FUBP3: variants seen among roughly 807,000 people sequenced by gnomAD.
FUBP3 encodes the protein far upstream element-binding protein 3.
In FUBP3, 28 loss-of-function variants were observed where a neutral mutation model predicts 85.6. The ratio of observed to expected loss-of-function variants is 0.33; its 90% CI spans 0.24 to 0.45. The LOEUF (loss-of-function observed/expected upper bound fraction) is 0.45, where lower values mean the gene tolerates loss of function less well. Ranked by LOEUF, FUBP3 falls within the 20% of genes least tolerant of loss-of-function variation. The pLI is 1.00. For missense variants in FUBP3, 583 were observed against 755.1 expected, an observed-to-expected ratio of 0.77 and a Z score of 2.67; for synonymous variants, 271 against 271.4, an observed-to-expected ratio of 1.00 and a Z score of 0.01.
intron 7 of FUBP3, 42 bp from the exon 8 acceptor site, chr9:130,617,755 C>A: frequency 8.4e-7 from 1 of 1,192,688 alleles, no homozygotes; most frequent in Non-Finnish European, 1.3e-6. Context: ...ATTTCATGCC[C>A]TGCATTATTC....
At chr9:130,615,848 G>C (rs994553407) in intron 6 of FUBP3, among the ~76,000 whole-genome samples, 1 of 152,128 alleles carries the variant, frequency 6.6e-6, no homozygotes, top group African/African-American at 2.4e-5. Context: ...TGGTTATGAA[G>C]AAGAAGCGTG....
intron 3 of FUBP3, 24 bp downstream of exon 3, chr9:130,610,011 T>G (rs1300134196): frequency 6.5e-7 from 1 of 1,537,726 alleles, no homozygotes; most frequent in African/African-American, 1.4e-5. Context: ...TACGTTTTAT[T>G]ATTTATTGAT....
At chr9:130,590,464 A>G (rs1474139380) in intron 1 of FUBP3, among the ~76,000 whole-genome samples, 7 of 152,234 alleles carry the variant, frequency 4.6e-5, no homozygotes, top group Non-Finnish European at 8.8e-5. Flanking sequence ...TTAAAATAGC[A>G]TGGGTAGTGA....
At chr9:130,603,257 G>C (rs1588132265) in intron 2 of FUBP3, among the ~76,000 whole-genome samples, 1 of 147,100 alleles carries the variant, frequency 6.8e-6, no homozygotes, top group African/African-American at 2.5e-5. Flanking sequence ...TGAGGTGGGA[G>C]AATGGCCTGA....
In FUBP3 at chr9:130,616,467, A is replaced by G. The variant is rs1832013186; in HGVS notation, c.517A>G (p.Lys173Glu). Residue 173 changes from lysine to glutamate, a missense_variant, in exon 7 of 19, where the codon AAA becomes GAA. Transcript: ENST00000319725. This position sits in a 1 kb window ranked among gnomAD's most constrained non-coding sequence, Gnocchi z 4.7. ...TIQEILIPAS[K>E]VGLVIGRGGE... Reference sequence around the variant, plus strand: ...CCAGGAGATTCTCATTCCCGCATCTAAAGTGGGTCTGGTCATCGGCAGAGG... The same window carrying G: ...CCAGGAGATTCTCATTCCCGCATCTGAAGTGGGTCTGGTCATCGGCAGAGG... 2 of 1,614,100 alleles carry G rather than the reference A, an allele frequency of 1.2e-6. No individual in the cohort carries two copies. The highest frequency in any genetic ancestry group is 1.7e-6 in the Non-Finnish European group (2 of 1,179,948).
chr9:130,602,964 TG>T (rs1564200439), intron 2 of FUBP3, among the ~76,000 whole-genome samples: 1 of 152,088 alleles, frequency 6.6e-6, no homozygotes, highest in East Asian at 1.9e-4. Context: ...GGCGGTCACC[TG>T]GGGTGGAAAA....
intron 1 of FUBP3, among the ~76,000 whole-genome samples, chr9:130,586,677 A>G (rs969631483): frequency 2.0e-5 from 3 of 151,380 alleles, no homozygotes; most frequent in Non-Finnish European, 2.9e-5. Context: ...TCTGCATTTT[A>G]GGAAGGACTT....
intron 5 of FUBP3, among the ~76,000 whole-genome samples, chr9:130,613,759 A>G (rs1831866960): frequency 6.6e-6 from 1 of 152,210 alleles, no homozygotes; most frequent in South Asian, 2.1e-4. Context: ...TTCAGGAACA[A>G]AATGAGGCAT....
intron 12 of FUBP3, among the ~76,000 whole-genome samples, chr9:130,626,882 C>T (rs190671969): frequency 2.6e-5 from 4 of 152,284 alleles, no homozygotes; most frequent in Non-Finnish European, 5.9e-5. Flanking sequence ...ACAGTATCCT[C>T]AGTGAAAATT....
At chr9:130,597,753 C>T (rs1354436932) in intron 2 of FUBP3, among the ~76,000 whole-genome samples, 3 of 152,154 alleles carry the variant, frequency 2.0e-5, no homozygotes, top group African/African-American at 7.2e-5. Flanking sequence ...TATGTGTAAT[C>T]CTGTTATTTA....
Position 130,620,395 on chromosome 9 carries a change from C to T in FUBP3, c.708C>T (p.Asp236=). The T allele has an allele frequency of 1.9e-6, 3 of 1,605,198 alleles. No individual in the cohort carries two copies. Among genetic ancestry groups the T allele is most frequent in the Non-Finnish European group, 1.7e-6 (2 of 1,175,206 alleles). ...EMVLEIIREK[D]QADFRGVRGD... Reference sequence around the variant, plus strand: ...TACTAGAGATTATCCGAGAAAAAGACCAAGCTGACTTTCGGGGTGTACGCG... The same window carrying T: ...TACTAGAGATTATCCGAGAAAAAGATCAAGCTGACTTTCGGGGTGTACGCG... The change falls in exon 9 of 19, where the codon GAC becomes GAT. Residue 236 remains aspartate, a synonymous_variant. Transcript: ENST00000319725.
intron 2 of FUBP3, among the ~76,000 whole-genome samples, chr9:130,605,213 T>C (rs1831361029): frequency 2.0e-5 from 3 of 152,220 alleles, no homozygotes; most frequent in African/African-American, 7.2e-5. Context: ...AACACGTCCC[T>C]GGAGGCTAGG....
intron 11 of FUBP3, among the ~76,000 whole-genome samples, chr9:130,625,099 C>G (rs1829916801): frequency 6.6e-6 from 1 of 152,204 alleles, no homozygotes; most frequent in Non-Finnish European, 1.5e-5. Context: ...GTTTCAGCTA[C>G]TCAGGAGGCT....
chr9:130,589,697 A>T lies in FUBP3; in HGVS notation c.85-5786A>T, dbSNP rs1253637887. On this transcript the variant is annotated intron_variant, in intron 1 of 18. Transcript: ENST00000319725. Reference sequence around the variant, plus strand: ...TGTGTATATATATATATATATATATATATATATATTTTTTTTTTTTTTTTT... The same window carrying T: ...TGTGTATATATATATATATATATATTTATATATATTTTTTTTTTTTTTTTT... 5.0e-4 allele frequency among the ~76,000 whole-genome samples: 15 copies of T among 29,928 alleles called. 1 individual carries two copies. The highest frequency in any genetic ancestry group is 6.4e-4 in the African/African-American group (4 of 6,260). 19.6% of individuals were successfully genotyped at this position (29,928 alleles called of 152,430 possible). A position where few individuals can be genotyped will look rare whatever the true frequency, so the allele number is the denominator to read the frequency against.
At chr9:130,590,651 A>G (rs1024283966) in intron 1 of FUBP3, among the ~76,000 whole-genome samples, 1 of 152,136 alleles carries the variant, frequency 6.6e-6, no homozygotes, top group Non-Finnish European at 1.5e-5. Flanking sequence ...ACTGTACCTC[A>G]CTTCCCTTAA....
chr9:130,627,682 A>G (rs1467924789), intron 12 of FUBP3, among the ~76,000 whole-genome samples: 1 of 152,232 alleles, frequency 6.6e-6, no homozygotes, highest in Non-Finnish European at 1.5e-5. Flanking sequence ...AGGCTGCACC[A>G]GATGCTGCCA....
rs1047459304 is a variant in FUBP3 at position 130,616,120 on chromosome 9, G to A, written c.405-235G>A. On this transcript the variant is annotated intron_variant, in intron 6 of 18. Coordinates refer to ENST00000319725, the MANE Select transcript of FUBP3 (RefSeq NM_003934.2). This position sits in a 1 kb window ranked among gnomAD's most constrained non-coding sequence, Gnocchi z 4.7. Reference sequence around the variant, plus strand: ...ATGAGCAGAGGGCAGGCTTGAAAGGGGCGGCAAGGCTCTGTGTCACAGCGT... The same window carrying A: ...ATGAGCAGAGGGCAGGCTTGAAAGGAGCGGCAAGGCTCTGTGTCACAGCGT... Among the ~76,000 whole-genome samples the A allele has an allele frequency of 7.1e-6, 1 of 141,570 alleles. No homozygotes were observed. The highest frequency in any genetic ancestry group is 1.5e-5 in the Non-Finnish European group (1 of 67,996). 92.9% of individuals were successfully genotyped at this position (141,570 alleles called of 152,430 possible).
At chr9:130,620,593 G>C in intron 9 of FUBP3, 135 bp downstream of exon 9, 1 of 482,434 alleles carries the variant, frequency 2.1e-6, no homozygotes, top group Non-Finnish European at 3.7e-6. Flanking sequence ...TGGCTCCTTA[G>C]GGTGGGTGTG....
At position 130,634,733 on chromosome 9, in the gene FUBP3, A is replaced by T; in HGVS notation, c.1577A>T (p.Lys526Ile). The T allele has an allele frequency of 6.2e-7, 1 of 1,613,328 alleles. No homozygotes were observed. Among genetic ancestry groups the T allele is most frequent in the Non-Finnish European group, 8.5e-7 (1 of 1,179,476 alleles). ...YSKAWEDYYK[K>I]QSHAASAAPQ... ...AAGGCCTGGGAAGACTATTACAAAA[A>T]ACAGAGTGAGTGCCCGGCCCTCCTA... The change falls in exon 17 of 19, where the codon AAA becomes ATA. Residue 526 changes from lysine (K) to isoleucine (I), a missense_variant. Transcript: ENST00000319725.
Sources: allele counts gnomAD v4.1 joint callset (sites outside exome capture counted in the v4.1 genomes callset), GRCh38; gene constraint gnomAD v4.1.1; non-coding constraint Gnocchi (gnomAD v3.1); transcripts MANE v1.5; gene names NCBI Gene and HGNC (gene_info 2026-07-23, HGNC 2026-07-21).